Variants in EYS observed in about 807,000 individuals in gnomAD.
EYS encodes the protein protein eyes shut homolog.
In EYS, 250 loss-of-function variants were observed where a neutral mutation model predicts 282.1. The ratio of observed to expected loss-of-function variants is 0.89; its 90% CI spans 0.80 to 0.98. EYS has a LOEUF of 0.98. Ranked by LOEUF, EYS falls within the 50% of genes least tolerant of loss-of-function variation. The pLI is 0.00. For missense variants in EYS, 4,016 were observed against 3,709.0 expected, an observed-to-expected ratio of 1.08 and a Z score of -2.15; for synonymous variants, 1,355 against 1,282.9, an observed-to-expected ratio of 1.06 and a Z score of -1.20.
intron 13 of EYS, among the ~76,000 whole-genome samples, chr6:65,020,723 G>A (rs1234892793): frequency 1.3e-5 from 2 of 152,168 alleles, no homozygotes; most frequent in African/African-American, 4.8e-5. Flanking sequence ...TGCCCTAGCA[G>A]ATGTTCTCTG....
At chr6:64,826,574 C>A (rs1234650380) in intron 19 of EYS, among the ~76,000 whole-genome samples, 1 of 151,182 alleles carries the variant, frequency 6.6e-6, no homozygotes, top group East Asian at 2.0e-4. Flanking sequence ...AGAATCAAGC[C>A]ATTAAAGTTC....
In EYS at chr6:63,720,515, C is replaced by T; in HGVS notation, c.*81G>A. On this transcript the variant is annotated 3_prime_UTR_variant, in exon 43 of 43. Transcript: ENST00000503581. ...AGGTAATATAGTAAACAGTTGATTC[C>T]CCGTAAGCAATGTATCAAAGAAATA... The T allele has an allele frequency of 9.8e-7, 1 of 1,018,926 alleles. No homozygotes were observed. Among genetic ancestry groups the T allele is most frequent in the African/African-American group, 1.6e-5 (1 of 61,068 alleles). The allele number at this position is 1,018,926 out of a possible 1,614,324, so 63.1% of individuals were successfully genotyped here. A position where few individuals can be genotyped will look rare whatever the true frequency, so the allele number is the denominator to read the frequency against.
chr6:65,405,766 A>C (rs1363660267), intron 5 of EYS, among the ~76,000 whole-genome samples: 1 of 152,080 alleles, frequency 6.6e-6, no homozygotes, highest in Non-Finnish European at 1.5e-5. Flanking sequence ...ATCATATATC[A>C]GTAGTTGGTA....
At chr6:64,848,885 G>T (rs1376281215) in intron 19 of EYS, among the ~76,000 whole-genome samples, 1 of 152,022 alleles carries the variant, frequency 6.6e-6, no homozygotes, top group Non-Finnish European at 1.5e-5. Flanking sequence ...TTATTTATCA[G>T]ATGAGAAATT....
intron 26 of EYS, among the ~76,000 whole-genome samples, chr6:64,502,696 TTG>T (rs1477885169): frequency 1.3e-5 from 2 of 151,970 alleles, no homozygotes; most frequent in East Asian, 1.9e-4. Context: ...ATTGACAGTT[TTG>T]TTTTTTTTTT....
chr6:64,930,740 C>T (rs979341090), intron 15 of EYS, among the ~76,000 whole-genome samples: 1 of 152,080 alleles, frequency 6.6e-6, no homozygotes, highest in African/African-American at 2.4e-5. Context: ...TGGGAGCAAA[C>T]CTTCACGTTG....
intron 26 of EYS, among the ~76,000 whole-genome samples, chr6:64,559,343 G>C (rs1765329533): frequency 6.6e-6 from 1 of 150,900 alleles, no homozygotes; most frequent in South Asian, 2.1e-4. Context: ...GCCCAGGCTG[G>C]AGTGCAGTGG....
chr6:64,682,835 C>G (rs1769948402), intron 22 of EYS, among the ~76,000 whole-genome samples: 1 of 152,154 alleles, frequency 6.6e-6, no homozygotes, highest in African/African-American at 2.4e-5. Flanking sequence ...TGCTCTGAAA[C>G]TTGCCTGGGT....
chr6:65,112,505 T>C (rs9453185), intron 12 of EYS, among the ~76,000 whole-genome samples: 2,892 of 152,292 alleles, frequency 0.019, 62 homozygotes, highest in African/African-American at 0.053. Context: ...CTGCTCTCTC[T>C]GCTATTTTAA....
At chr6:65,524,525 C>T (rs1020650923) in intron 2 of EYS, among the ~76,000 whole-genome samples, 1 of 152,110 alleles carries the variant, frequency 6.6e-6, no homozygotes, top group African/African-American at 2.4e-5. Context: ...TTTTCCCAGC[C>T]CTTCAAGATG....
chr6:65,326,285 T>C (rs1266900589), intron 11 of EYS, among the ~76,000 whole-genome samples: 3 of 151,914 alleles, frequency 2.0e-5, no homozygotes, highest in African/African-American at 4.8e-5. Flanking sequence ...TCATTGTCTT[T>C]TAGAAAGCGA....
chr6:64,573,294 A>G (rs1370830798), intron 26 of EYS, among the ~76,000 whole-genome samples: 3 of 152,224 alleles, frequency 2.0e-5, no homozygotes, highest in Non-Finnish European at 2.9e-5. Flanking sequence ...TAAAGACTTA[A>G]ACGTAAGTCC....
intron 12 of EYS, among the ~76,000 whole-genome samples, chr6:65,064,386 A>G (rs1471977163): frequency 4.1e-5 from 6 of 144,988 alleles, no homozygotes; most frequent in Non-Finnish European, 9.0e-5. Context: ...ACTATGTGAT[A>G]TATAGTATAC....
intron 33 of EYS, among the ~76,000 whole-genome samples, chr6:64,013,892 G>A (rs183541768): frequency 1.1e-4 from 17 of 152,126 alleles, no homozygotes; most frequent in African/African-American, 4.1e-4. Context: ...CTCTGATGGT[G>A]AATGTAAGTT....
At chr6:65,608,204 C>T (rs540062236) in intron 2 of EYS, among the ~76,000 whole-genome samples, 1 of 152,126 alleles carries the variant, frequency 6.6e-6, no homozygotes, top group East Asian at 1.9e-4. Flanking sequence ...ATGCTATAGC[C>T]TATTGCTCCT....
At chr6:65,194,882 G>A (rs1226655406) in intron 12 of EYS, among the ~76,000 whole-genome samples, 1 of 150,814 alleles carries the variant, frequency 6.6e-6, no homozygotes, top group Non-Finnish European at 1.5e-5. Context: ...TGGATTACCA[G>A]TAGAACACTA....
intron 36 of EYS, among the ~76,000 whole-genome samples, chr6:63,816,240 C>T (rs1023845245): frequency 1.3e-5 from 2 of 152,002 alleles, no homozygotes; most frequent in Non-Finnish European, 2.9e-5. Flanking sequence ...CTAATAGCCC[C>T]AAGATTTTGT....
intron 19 of EYS, among the ~76,000 whole-genome samples, chr6:64,882,824 G>A (rs1359479983): frequency 6.6e-6 from 1 of 151,568 alleles, no homozygotes; most frequent in African/African-American, 2.4e-5. Context: ...AACTTTGATG[G>A]AGAGAAGAGA....
intron 35 of EYS, among the ~76,000 whole-genome samples, chr6:63,877,690 ACTTCT>A (rs1773013894): frequency 6.6e-6 from 1 of 151,558 alleles, no homozygotes; most frequent in Admixed American, 6.6e-5. Context: ...TTTTTCTTAA[ACTTCT>A]CTTCTTGCTT....
Sources: allele counts gnomAD v4.1 joint callset (sites outside exome capture counted in the v4.1 genomes callset), GRCh38; gene constraint gnomAD v4.1.1; transcripts MANE v1.5; gene names NCBI Gene and HGNC (gene_info 2026-07-23, HGNC 2026-07-21).